The following CLIC5 variants were observed in gnomAD, a reference collection of about 807,000 sequenced individuals.
The protein encoded by CLIC5 is chloride intracellular channel protein 5.
In CLIC5, 20 loss-of-function variants were observed where a neutral mutation model predicts 24.7. That is an observed-to-expected ratio of 0.81 (90% CI 0.57 to 1.18). CLIC5 has a LOEUF of 1.18. CLIC5 is among the 50% of genes most tolerant of loss of function. The probability of loss-of-function intolerance (pLI) is 0.00; values close to 1 mark genes in which losing one functional copy is unlikely to be tolerated. For missense variants in CLIC5, 341 were observed against 326.1 expected (o/e 1.05, Z -0.35); for synonymous variants, 159 against 135.6 (o/e 1.17, Z -1.20).
intron 4 of CLIC5, among the ~76,000 whole-genome samples, chr6:45,933,777 C>T (rs1054542835): frequency 2.0e-5 from 3 of 152,184 alleles, no homozygotes; most frequent in Admixed American, 6.5e-5. Context: ...GGGAGGTTGG[C>T]GACACACGCC....
chr6:46,049,619 C>T (rs1046965675), intron 1 of CLIC5, among the ~76,000 whole-genome samples: 1 of 152,144 alleles, frequency 6.6e-6, no homozygotes, highest in Non-Finnish European at 1.5e-5. Flanking sequence ...CAGATCCAGG[C>T]AAGAGCAGTC....
intron 1 of CLIC5, among the ~76,000 whole-genome samples, chr6:45,994,202 C>T (rs1324987397): frequency 6.6e-6 from 1 of 151,996 alleles, no homozygotes; most frequent in Admixed American, 6.6e-5. Context: ...CATGTTGTTG[C>T]TCAGGTAGTG....
the CLIC5 span, among the ~76,000 whole-genome samples, chr6:46,109,428 C>T: frequency 4.0e-5 from 6 of 148,866 alleles, no homozygotes; most frequent in East Asian, 1.2e-3. Context: ...GCCTATAATC[C>T]CAGCACTTTG....
chr6:45,935,086 C>A (rs2127356784), intron 4 of CLIC5, among the ~76,000 whole-genome samples: 1 of 152,278 alleles, frequency 6.6e-6, no homozygotes. Flanking sequence ...TTCTTGAAAA[C>A]CAAGAGATTT....
At chr6:46,116,931 A>T in the CLIC5 span, among the ~76,000 whole-genome samples, 1 of 152,214 alleles carries the variant, frequency 6.6e-6, no homozygotes. Context: ...TTTAGAAATA[A>T]CATGGATATA....
chr6:46,083,249 A>C (rs1167761477), upstream of CLIC5, among the ~76,000 whole-genome samples: 1 of 152,156 alleles, frequency 6.6e-6, no homozygotes, highest in African/African-American at 2.4e-5. Context: ...TAATTTTTTG[A>C]AGGGTTTTTT....
chr6:46,025,220 A>G (rs1392755056), intron 1 of CLIC5, among the ~76,000 whole-genome samples: 2 of 152,176 alleles, frequency 1.3e-5, no homozygotes, highest in Non-Finnish European at 2.9e-5. Context: ...GTGTAGTTTG[A>G]TTAATATTAT....
chr6:45,987,537 C>T (rs930894707), intron 1 of CLIC5, among the ~76,000 whole-genome samples: 1 of 152,210 alleles, frequency 6.6e-6, no homozygotes, highest in Non-Finnish European at 1.5e-5. Flanking sequence ...AAGTCTTAGC[C>T]TGTTCAGCCT....
chr6:45,991,378 C>T (rs891404920), intron 1 of CLIC5, among the ~76,000 whole-genome samples: 1 of 152,130 alleles, frequency 6.6e-6, no homozygotes, highest in East Asian at 1.9e-4. Flanking sequence ...GGGCCTCAAT[C>T]CTAAAACTGC....
upstream of CLIC5, among the ~76,000 whole-genome samples, chr6:46,019,916 T>C (rs9395145): frequency 0.095 from 14,479 of 151,708 alleles, 1,112 homozygotes; most frequent in African/African-American, 0.19. Context: ...AGCTTCAATA[T>C]TGATGAAACA....
chr6:46,009,471 T>C lies in CLIC5; in HGVS notation c.63+6009A>G, dbSNP rs62400487. ...TTTAAGACACCCTGGGTAGAGAGAG[T>C]CCTTTACAGAACTACATCTTAGGAA... On this transcript the variant is annotated intron_variant, in intron 1 of 5. Coordinates refer to ENST00000339561, the MANE Select transcript of CLIC5 (RefSeq NM_016929.5). Among the ~76,000 whole-genome samples, 864 of 151,822 alleles carry C rather than the reference T, an allele frequency of 5.7e-3. 2 individuals are homozygous for C. The highest frequency in any genetic ancestry group is 9.1e-3 in the Non-Finnish European group (618 of 67,908).
chr6:46,060,449 T>C (rs10948275), intron 1 of CLIC5, among the ~76,000 whole-genome samples: 52,094 of 151,992 alleles, frequency 0.34, 10,003 homozygotes, highest in Middle Eastern at 0.5. Flanking sequence ...GGGGTGCTAA[T>C]AGTTGTATGG....
the CLIC5 span, among the ~76,000 whole-genome samples, chr6:46,128,834 C>A: frequency 6.6e-6 from 1 of 152,112 alleles, no homozygotes; most frequent in Non-Finnish European, 1.5e-5. Context: ...CACAGGCCAA[C>A]CTGAGACTTA....
intron 6 of CLIC5, among the ~76,000 whole-genome samples, chr6:45,888,257 C>A (rs1248036229): frequency 6.6e-6 from 1 of 152,194 alleles, no homozygotes; most frequent in Non-Finnish European, 1.5e-5. Flanking sequence ...CCCAGGAATT[C>A]TCCATAGCCA....
the CLIC5 span, among the ~76,000 whole-genome samples, chr6:46,121,703 C>A: frequency 6.6e-6 from 1 of 152,086 alleles, no homozygotes; most frequent in African/African-American, 2.4e-5. Flanking sequence ...TGTGCAGAGA[C>A]ACACATAGGC....
downstream of CLIC5, among the ~76,000 whole-genome samples, chr6:45,895,243 C>T (rs1173661664): frequency 2.0e-5 from 3 of 152,020 alleles, no homozygotes; most frequent in African/African-American, 7.2e-5. Flanking sequence ...ATTATAGCAC[C>T]CAGAATCACC....
At chr6:45,974,839 G>A (rs959371434) in intron 1 of CLIC5, among the ~76,000 whole-genome samples, 3 of 152,082 alleles carry the variant, frequency 2.0e-5, no homozygotes, top group African/African-American at 7.2e-5. Flanking sequence ...CCACACTGCT[G>A]TAATCAAGTC....
At position 46,079,766 on chromosome 6, in the gene CLIC5, A is replaced by T. The variant is rs748873447; in HGVS notation, c.477T>A (p.Asp159Glu). ...CCTCCTTTTCTTCCAAACCTTCAGC[A>T]TCAGAATAGCAGGAATACTTGGTGG... The change falls in exon 1 of 6, where the codon GAT becomes GAA. Residue 159 changes from aspartate to glutamate, a missense_variant. Asp to Glu is a conservative substitution (Grantham distance 45, BLOSUM62 2). Transcript: ENST00000185206. 3 of 1,551,952 alleles carry T rather than the reference A, an allele frequency of 1.9e-6. No individual in the cohort carries two copies. Among genetic ancestry groups the T allele is most frequent in the Non-Finnish European group, 1.7e-6 (2 of 1,147,032 alleles).
At chr6:45,949,798 C>T (rs1374330643) in intron 2 of CLIC5, among the ~76,000 whole-genome samples, 3 of 152,164 alleles carry the variant, frequency 2.0e-5, no homozygotes, top group Non-Finnish European at 2.9e-5. Context: ...TGAATTAGAT[C>T]ATACTTTTCT....
Sources: allele counts gnomAD v4.1 joint callset (sites outside exome capture counted in the v4.1 genomes callset), GRCh38; gene constraint gnomAD v4.1.1; transcripts MANE v1.5; gene names NCBI Gene and HGNC (gene_info 2026-07-23, HGNC 2026-07-21).